Variants in IMMP2L observed in about 807,000 individuals in gnomAD.
IMMP2L encodes the protein mitochondrial inner membrane protease subunit 2.
A neutral mutation model predicts 19.3 loss-of-function variants in IMMP2L; 18 were observed. That is an observed-to-expected ratio of 0.93 (90% CI 0.64 to 1.38). The LOEUF is 1.38. Ranked by LOEUF, IMMP2L falls within the 40% of genes most tolerant of loss-of-function variation. IMMP2L has a pLI of 0.00. For missense variants in IMMP2L, 233 were observed against 218.2 expected (o/e 1.07, Z -0.43); for synonymous variants, 76 against 73.0 (o/e 1.04, Z -0.21).
intron 4 of IMMP2L, among the ~76,000 whole-genome samples, chr7:110,930,180 C>G (rs143414953): frequency 6.6e-6 from 1 of 152,154 alleles, no homozygotes; most frequent in Non-Finnish European, 1.5e-5. Context: ...CTGCTGAAGC[C>G]TTTACTTCCT....
intron 5 of IMMP2L, among the ~76,000 whole-genome samples, chr7:110,815,662 CAG>C (rs1258228937): frequency 6.6e-6 from 1 of 152,084 alleles, no homozygotes; most frequent in Non-Finnish European, 1.5e-5. Flanking sequence ...CTGGTCTATT[CAG>C]AGATTCAACT....
chr7:110,915,201 A>T (rs1364085230), intron 4 of IMMP2L, among the ~76,000 whole-genome samples: 1 of 135,560 alleles, frequency 7.4e-6, no homozygotes, highest in Non-Finnish European at 1.6e-5. Context: ...GTGTCCATCT[A>T]TAGATTATCA....
chr7:111,502,675 A>G (rs915351367), intron 2 of IMMP2L, among the ~76,000 whole-genome samples: 7 of 151,838 alleles, frequency 4.6e-5, no homozygotes, highest in African/African-American at 1.5e-4. Flanking sequence ...CTCACTCAAA[A>G]CCACTCAACT....
intron 3 of IMMP2L, among the ~76,000 whole-genome samples, chr7:111,383,128 C>T (rs1016178877): frequency 2.0e-5 from 3 of 152,020 alleles, no homozygotes; most frequent in South Asian, 2.1e-4. Context: ...TATCTCTCTA[C>T]GGTTTCTATC....
At chr7:111,299,178 C>T (rs1394180994) in intron 3 of IMMP2L, among the ~76,000 whole-genome samples, 1 of 152,092 alleles carries the variant, frequency 6.6e-6, no homozygotes, top group Non-Finnish European at 1.5e-5. Flanking sequence ...CAGTTAAAAA[C>T]ACACACAGAC....
chr7:111,458,151 G>T (rs1563217041), intron 3 of IMMP2L, among the ~76,000 whole-genome samples: 1 of 152,172 alleles, frequency 6.6e-6, no homozygotes, highest in Non-Finnish European at 1.5e-5. Context: ...GGCTGAGGCA[G>T]GTGGGTCACT....
intron 5 of IMMP2L, among the ~76,000 whole-genome samples, chr7:110,800,244 A>G (rs987020333): frequency 6.6e-6 from 1 of 152,062 alleles, no homozygotes; most frequent in Non-Finnish European, 1.5e-5. Context: ...GGAAGTCTGC[A>G]GGAATAGATA....
chr7:110,864,745 A>T (rs550083660), intron 5 of IMMP2L, among the ~76,000 whole-genome samples: 1 of 152,102 alleles, frequency 6.6e-6, no homozygotes, highest in African/African-American at 2.4e-5. Flanking sequence ...TGAAATAAAC[A>T]TGCTTTACTT....
At position 111,083,754 on chromosome 7, in the gene IMMP2L, C is replaced by G. The variant is rs150770212; in HGVS notation, c.240-120189G>C. On this transcript the variant is annotated intron_variant, in intron 3 of 5. Coordinates refer to ENST00000405709, the MANE Select transcript of IMMP2L (RefSeq NM_032549.4). ...TCTACCAAGTTTCAGTGTCTTGCATCGAGTTAAACTCAACAAATGCTATTT... is the reference window on the plus strand; with the variant it reads ...TCTACCAAGTTTCAGTGTCTTGCATGGAGTTAAACTCAACAAATGCTATTT... Among the ~76,000 whole-genome samples, 3 of 152,228 alleles carry G rather than the reference C, an allele frequency of 2.0e-5. No individual in the cohort carries two copies. The East Asian group carries it at 5.8e-4, about 29-fold the overall frequency.
At chr7:111,162,928 C>T (rs1418322094) in intron 3 of IMMP2L, among the ~76,000 whole-genome samples, 1 of 152,074 alleles carries the variant, frequency 6.6e-6, no homozygotes, top group African/African-American at 2.4e-5. Context: ...CCCCATCCCA[C>T]CTTAGAGCGC....
chr7:111,448,919 T>C (rs1445732759), intron 3 of IMMP2L, among the ~76,000 whole-genome samples: 2 of 143,148 alleles, frequency 1.4e-5, no homozygotes, highest in Non-Finnish European at 3.0e-5. Flanking sequence ...CATCAGAGAA[T>C]ACTACAGACA....
In IMMP2L at chr7:110,886,590, T is replaced by C; in HGVS notation, c.408+3A>G. On this transcript the variant is annotated splice_donor_region_variant and intron_variant, in intron 5 of 5. Transcript: ENST00000405709. ...ATCAACAAGAAGATAAAAGATGACT[T>C]ACCGGCCCAAAAGAATTACTGTCAA... The C allele has an allele frequency of 6.5e-7, 1 of 1,536,200 alleles. No homozygotes were observed. The highest frequency in any genetic ancestry group is 1.1e-5 in the South Asian group (1 of 89,436).
chr7:111,351,023 T>A (rs563702219), intron 3 of IMMP2L, among the ~76,000 whole-genome samples: 7 of 152,278 alleles, frequency 4.6e-5, no homozygotes, highest in Non-Finnish European at 1.0e-4. Context: ...AATCATAATC[T>A]TAAAATTTTC....
chr7:110,742,460 G>A lies in IMMP2L; in HGVS notation c.409-78739C>T, dbSNP rs765866428. 4.5e-4 allele frequency among the ~76,000 whole-genome samples: 68 copies of A among 152,110 alleles called. 1 individual carries two copies. Among genetic ancestry groups the A allele is most frequent in the Non-Finnish European group, 9.0e-4 (61 of 68,032 alleles). ...ATACAGCCATGCAATGAAACACTAT[G>A]CGACTATTAAAAATTATACTTTCAA... On this transcript the variant is annotated intron_variant, in intron 5 of 5. Transcript: ENST00000405709.
At chr7:111,202,521 C>T (rs1237680301) in intron 3 of IMMP2L, among the ~76,000 whole-genome samples, 1 of 152,142 alleles carries the variant, frequency 6.6e-6, no homozygotes, top group South Asian at 2.1e-4. Flanking sequence ...TAGTTTCACT[C>T]GTGAACCCAG....
chr7:111,301,671 G>C (rs1021385820), intron 3 of IMMP2L, among the ~76,000 whole-genome samples: 19 of 151,906 alleles, frequency 1.3e-4, no homozygotes, highest in African/African-American at 4.6e-4. Flanking sequence ...TATTTTACCT[G>C]TGAATGTCCA....
intron 2 of IMMP2L, among the ~76,000 whole-genome samples, chr7:111,507,282 A>G (rs1256858231): frequency 6.6e-6 from 1 of 152,272 alleles, no homozygotes; most frequent in East Asian, 1.9e-4. Flanking sequence ...TGGGCACCCT[A>G]TATTTCCTCT....
chr7:111,325,609 T>C (rs141872335), intron 3 of IMMP2L, among the ~76,000 whole-genome samples: 5 of 151,874 alleles, frequency 3.3e-5, no homozygotes, highest in African/African-American at 1.2e-4. Context: ...AATCCTTCTG[T>C]AATCGAGCCC....
chr7:110,911,913 G>T (rs1320963184), intron 4 of IMMP2L, among the ~76,000 whole-genome samples: 1 of 152,068 alleles, frequency 6.6e-6, no homozygotes, highest in African/African-American at 2.4e-5. Context: ...TACGGAAATT[G>T]CAGTAAATGC....
Sources: gnomAD v4.1 joint callset for allele counts (sites outside exome capture counted in the v4.1 genomes callset) on GRCh38, gnomAD v4.1.1 for gene constraint, MANE v1.5 for transcripts, NCBI Gene and HGNC (gene_info 2026-07-23, HGNC 2026-07-21) for gene names.